The following SMIM13 variants were observed in gnomAD, a reference collection of about 807,000 sequenced individuals.
SMIM13 encodes small integral membrane protein 13, also known as UPF0766 protein C6orf228.
SMIM13 carries 3 observed loss-of-function variants against 5.9 expected under a neutral mutation model. The ratio of observed to expected loss-of-function variants is 0.51; its 90% CI spans 0.23 to 1.31. The LOEUF (loss-of-function observed/expected upper bound fraction) is 1.31. Ranked by LOEUF, SMIM13 falls within the 40% of genes most tolerant of loss-of-function variation. The pLI, the probability that SMIM13 is intolerant of heterozygous loss-of-function variation, is 0.18. For synonymous variants in SMIM13, 55 were observed against 46.0 expected (o/e 1.19, Z -0.79); for missense variants, 85 against 109.9 (o/e 0.77, Z 1.01).
chr6:11,123,349 A>G (rs1758335634), intron 1 of SMIM13, among the ~76,000 whole-genome samples: 1 of 152,090 alleles, frequency 6.6e-6, no homozygotes, highest in Admixed American at 6.5e-5. Flanking sequence ...TCTCTCAGAC[A>G]CCTCTGTAGC....
rs1033248437 is a variant in SMIM13 at position 11,137,760 on chromosome 6, G to A, written c.*3158G>A. ...AATGCCAAAAACACTAAATATTTGT[G>A]TAGTGCTGTTAAATGAGGTTTTTGA... On this transcript the variant is annotated 3_prime_UTR_variant, in exon 2 of 2. Transcript: ENST00000416247. The A allele has an allele frequency of 1.1e-4, 16 of 152,146 alleles. No individual in the cohort carries two copies. The highest frequency in any genetic ancestry group is 3.4e-4 in the African/African-American group (14 of 41,440). 9.4% of individuals were successfully genotyped at this position (152,146 alleles called of 1,614,324 possible).
chr6:11,101,715 A>G (rs1364387341), intron 1 of SMIM13, among the ~76,000 whole-genome samples: 1 of 151,588 alleles, frequency 6.6e-6, no homozygotes, highest in African/African-American at 2.4e-5. Flanking sequence ...CTGTAATTCC[A>G]GAACCTGAAA....
At chr6:11,107,725 A>G (rs142578981) in intron 1 of SMIM13, among the ~76,000 whole-genome samples, 1 of 152,210 alleles carries the variant, frequency 6.6e-6, no homozygotes, top group African/African-American at 2.4e-5. Flanking sequence ...CTACTGCCTC[A>G]TTTATGATTC....
intron 1 of SMIM13, 150 bp downstream of exon 1, chr6:11,094,539 C>G: frequency 1.6e-6 from 1 of 631,812 alleles, no homozygotes; most frequent in Non-Finnish European, 2.6e-6. Flanking sequence ...GCCTCTAGGG[C>G]TGAGCGCAGA....
intron 1 of SMIM13, among the ~76,000 whole-genome samples, chr6:11,132,564 A>T (rs775073156): frequency 2.1e-4 from 32 of 152,238 alleles, no homozygotes; most frequent in Non-Finnish European, 4.1e-4. Context: ...AATGTAATAT[A>T]TACATAAAAT....
rs142864534 is a variant in SMIM13, at chr6:11,096,025, C to G, written c.76+1636C>G. Among the ~76,000 whole-genome samples the G allele has an allele frequency of 4.8e-3, 731 of 152,348 alleles. 5 individuals are homozygous for G. The highest frequency in any genetic ancestry group is 7.8e-3 in the Non-Finnish European group (531 of 68,034). On this transcript the variant is annotated intron_variant, in intron 1 of 1. Coordinates refer to ENST00000416247, the MANE Select transcript of SMIM13 (RefSeq NM_001135575.2). ...TGGCTTCAGAAATCCAAATTGCTCT[C>G]TCATCTCTAAACAGCTGTTTGATGG...
intron 1 of SMIM13, among the ~76,000 whole-genome samples, chr6:11,108,479 G>A (rs1225390114): frequency 6.6e-6 from 1 of 152,194 alleles, no homozygotes; most frequent in African/African-American, 2.4e-5. Flanking sequence ...GGCCAAGATT[G>A]TGGCAATTGG....
At chr6:11,126,708 G>T (rs918899300) in intron 1 of SMIM13, among the ~76,000 whole-genome samples, 12 of 152,068 alleles carry the variant, frequency 7.9e-5, no homozygotes, top group African/African-American at 2.4e-4. Context: ...TCTGGGCATT[G>T]CAGAGTTAGG....
At chr6:11,117,214 A>C (rs1451802884) in intron 1 of SMIM13, among the ~76,000 whole-genome samples, 2 of 136,976 alleles carry the variant, frequency 1.5e-5, no homozygotes, top group African/African-American at 5.6e-5. Flanking sequence ...CCCAGGCTGG[A>C]GTGCAGTGGC....
intron 1 of SMIM13, 47 bp from the exon 2 acceptor site, chr6:11,134,356 A>G: frequency 7.1e-7 from 1 of 1,401,414 alleles, no homozygotes; most frequent in Admixed American, 2.1e-5. Context: ...TGAATTGATA[A>G]CATTGTGTGT....
chr6:11,117,059 C>T (rs1426967776), intron 1 of SMIM13, among the ~76,000 whole-genome samples: 1 of 125,564 alleles, frequency 8.0e-6, no homozygotes, highest in Non-Finnish European at 1.6e-5. Flanking sequence ...GGCGCGATCT[C>T]GGCTCACTGC....
At chr6:11,095,296 G>A (rs1422324050) in intron 1 of SMIM13, among the ~76,000 whole-genome samples, 3 of 152,198 alleles carry the variant, frequency 2.0e-5, no homozygotes, top group African/African-American at 7.2e-5. Context: ...TGGAATATAT[G>A]TGTGCACTTG....
intron 1 of SMIM13, among the ~76,000 whole-genome samples, chr6:11,097,683 A>C (rs935770131): frequency 2.0e-5 from 3 of 151,966 alleles, no homozygotes; most frequent in African/African-American, 7.2e-5. Flanking sequence ...AAAAAAAAAA[A>C]ACCTTATCTC....
intron 1 of SMIM13, among the ~76,000 whole-genome samples, chr6:11,113,110 C>A (rs1341700032): frequency 1.3e-5 from 2 of 152,198 alleles, no homozygotes; most frequent in South Asian, 2.1e-4. Flanking sequence ...GGATTACAGG[C>A]GTGAGCCTGT....
intron 1 of SMIM13, among the ~76,000 whole-genome samples, chr6:11,094,997 GA>G (rs1757904143): frequency 6.6e-6 from 1 of 152,174 alleles, no homozygotes; most frequent in Non-Finnish European, 1.5e-5. Context: ...TTCCTTCTTG[GA>G]ATGAGAGGAC....
intron 1 of SMIM13, among the ~76,000 whole-genome samples, chr6:11,106,865 T>C (rs539045975): frequency 6.6e-6 from 1 of 152,328 alleles, no homozygotes; most frequent in African/African-American, 2.4e-5. Context: ...TTAATTTGAG[T>C]ATCTGGAGCT....
rs1391854064 is a variant in SMIM13 at position 11,138,435 on chromosome 6, C to G, written c.*3833C>G. 6.6e-6 allele frequency: 1 copy of G among 152,130 alleles called. No individual in the cohort carries two copies. Among genetic ancestry groups the G allele is most frequent in the African/African-American group, 2.4e-5 (1 of 41,434 alleles). The allele number at this position is 152,130 out of a possible 1,614,324, so 9.4% of individuals were successfully genotyped here. On this transcript the variant is annotated 3_prime_UTR_variant, in exon 2 of 2. Coordinates refer to ENST00000416247, the MANE Select transcript of SMIM13 (RefSeq NM_001135575.2). ...TTTAACACGATCCTCCAAGTTGGTT[C>G]TATGCATAACCATTCACCAAATACT... is the stretch of plus-strand genomic sequence containing the variant.
At chr6:11,116,176 C>T (rs1458687847) in intron 1 of SMIM13, among the ~76,000 whole-genome samples, 1 of 152,016 alleles carries the variant, frequency 6.6e-6, no homozygotes, top group Non-Finnish European at 1.5e-5. Flanking sequence ...CAGTACCACA[C>T]ACAGCTAATT....
intron 1 of SMIM13, among the ~76,000 whole-genome samples, chr6:11,106,585 C>T (rs1192342920): frequency 6.6e-6 from 1 of 152,202 alleles, no homozygotes; most frequent in African/African-American, 2.4e-5. Context: ...CCTATATCAT[C>T]CATTGGTTTC....
Sources: gnomAD v4.1 joint callset for allele counts (sites outside exome capture counted in the v4.1 genomes callset) on GRCh38, gnomAD v4.1.1 for gene constraint, MANE v1.5 for transcripts, NCBI Gene and HGNC (gene_info 2026-07-23, HGNC 2026-07-21) for gene names.